Variants in ATP2B4 observed in about 807,000 individuals in gnomAD.
ATP2B4 encodes the protein ATPase plasma membrane Ca2+ transporting 4, also known as plasma membrane calcium-transporting ATPase 4.
ATP2B4 carries 39 observed loss-of-function variants against 110.3 expected under a neutral mutation model. The observed-to-expected ratio is 0.35, with a 90% confidence interval of 0.27 to 0.46. The LOEUF is 0.46. ATP2B4 is among the 20% of genes least tolerant of loss of function. ATP2B4 has a pLI of 1.00. For synonymous variants in ATP2B4, 538 were observed against 571.7 expected, an observed-to-expected ratio of 0.94 and a Z score of 0.84; for missense variants, 1,135 against 1,530.9, an observed-to-expected ratio of 0.74 and a Z score of 4.32.
intron 11 of ATP2B4, among the ~76,000 whole-genome samples, chr1:203,710,262 C>G (rs1665967349): frequency 6.6e-6 from 1 of 151,926 alleles, no homozygotes; most frequent in African/African-American, 2.4e-5. Flanking sequence ...CCCAGCTACT[C>G]AGGAGGCTGA....
chr1:203,674,862 T>C (rs1021579347), intron 1 of ATP2B4, among the ~76,000 whole-genome samples: 1 of 152,028 alleles, frequency 6.6e-6, no homozygotes, highest in African/African-American at 2.4e-5. Context: ...TTCACCATGT[T>C]AGCCAGGATG....
At position 203,727,525 on chromosome 1, in the gene ATP2B4, G is replaced by A. The variant is rs1386030190; in HGVS notation, c.3263G>A (p.Arg1088Gln). 5.0e-6 allele frequency: 8 copies of A among 1,614,172 alleles called. No homozygotes were observed. The highest frequency in any genetic ancestry group is 4.2e-6 in the Non-Finnish European group (5 of 1,179,996). ...GACCATGCTGAGATGGAGCTGCGCC[G>A]AGGCCAGATCCTCTGGTTCCGGGGC... ...EIDHAEMELR[R>Q]GQILWFRGLN... Residue 1088 changes from arginine (R) to glutamine (Q), a missense_variant, in exon 20 of 21, where the codon CGA becomes CAA. Coordinates refer to ENST00000357681, the MANE Select transcript of ATP2B4 (RefSeq NM_001684.5).
chr1:203,739,716 T>C lies in ATP2B4; in HGVS notation c.3480T>C (p.Ser1160=), dbSNP rs1439808433. The part of the protein sequence containing the change: ...EEEEENPDKA[S]KFGTRVLLLD... ...AGGAGGAAAATCCTGACAAGGCTTC[T>C]AAGTTTGGGACTAGGGTGCTCCTGT... Residue 1160 remains serine (S), a synonymous_variant, in exon 21 of 21, where the codon TCT becomes TCC. Coordinates refer to ENST00000357681, the MANE Select transcript of ATP2B4 (RefSeq NM_001684.5). The C allele has an allele frequency of 6.2e-7, 1 of 1,614,218 alleles. No individual in the cohort carries two copies.
chr1:203,699,491 T>A lies in ATP2B4; in HGVS notation c.423T>A (p.Asp141Glu). ...GTCAAGTCGCAACTACCCCAGAAGA[T>A]GAAAATGAGGCACAAGCTGGCTGGA... ...LCGQVATTPE[D>E]ENEAQAGWIE... Residue 141 changes from aspartate to glutamate, a missense_variant, in exon 4 of 21, where the codon GAT (aspartate) becomes GAA (glutamate). Around this residue, in one of 9 missense-constraint regions of ATP2B4, gnomAD observed 101 missense variants for 182.6 expected, o/e 0.55. Transcript: ENST00000357681. 2 of 1,614,180 alleles carry A rather than the reference T, an allele frequency of 1.2e-6. No individual in the cohort carries two copies. Among genetic ancestry groups the A allele is most frequent in the Non-Finnish European group, 1.7e-6 (2 of 1,180,026 alleles).
intron 1 of ATP2B4, among the ~76,000 whole-genome samples, chr1:203,631,459 T>C (rs867075427): frequency 4.6e-5 from 7 of 152,256 alleles, no homozygotes; most frequent in African/African-American, 1.7e-4. Flanking sequence ...GAGCAGTGCG[T>C]TTATTGGTAG....
intron 7 of ATP2B4, among the ~76,000 whole-genome samples, chr1:203,703,088 C>G (rs1665739937): frequency 6.6e-6 from 1 of 151,992 alleles, no homozygotes; most frequent in African/African-American, 2.4e-5. Flanking sequence ...AGGGAATTTT[C>G]TTTTCCTATC....
Position 203,740,160 on chromosome 1 carries a change from A to T in ATP2B4, c.*306A>T. ...ATGACAATCCTCTTGGCATCACCCCACCCCACATTCTCCCCGATGTTCCTC... is the reference window on the plus strand; with the variant it reads ...ATGACAATCCTCTTGGCATCACCCCTCCCCACATTCTCCCCGATGTTCCTC... On this transcript the variant is annotated 3_prime_UTR_variant, in exon 21 of 21. Transcript: ENST00000357681. The T allele has an allele frequency of 6.6e-6, 2 of 303,816 alleles. No homozygotes were observed. The highest frequency in any genetic ancestry group is 1.2e-5 in the Non-Finnish European group (2 of 163,410). 18.8% of individuals were successfully genotyped at this position (303,816 alleles called of 1,614,324 possible).
intron 1 of ATP2B4, among the ~76,000 whole-genome samples, chr1:203,640,232 C>G (rs140934603): frequency 3.2e-4 from 49 of 152,318 alleles, no homozygotes; most frequent in African/African-American, 1.1e-3. Flanking sequence ...GACCCCACTC[C>G]CAAGAACATC....
At chr1:203,678,565 A>G (rs1664900150) in intron 1 of ATP2B4, among the ~76,000 whole-genome samples, 1 of 151,840 alleles carries the variant, frequency 6.6e-6, no homozygotes, top group Non-Finnish European at 1.5e-5. Context: ...CATCATGCCC[A>G]GCTAATTTTT....
chr1:203,665,799 C>CA (rs11371841), intron 1 of ATP2B4, among the ~76,000 whole-genome samples: 9,976 of 132,622 alleles, frequency 0.075, 755 homozygotes, highest in East Asian at 0.18. Context: ...GACTCCATCT[C>CA]AAAAAAAAAA....
chr1:203,722,222 C>T (rs1160372343), intron 17 of ATP2B4, among the ~76,000 whole-genome samples: 1 of 152,106 alleles, frequency 6.6e-6, no homozygotes, highest in East Asian at 1.9e-4. Flanking sequence ...GTAGTCCCAG[C>T]TATTTGGGAG....
intron 19 of ATP2B4, among the ~76,000 whole-genome samples, chr1:203,724,389 T>C (rs946946430): frequency 4.6e-5 from 7 of 151,804 alleles, no homozygotes; most frequent in African/African-American, 1.7e-4. Flanking sequence ...TGGTGGCAGG[T>C]GCCTGTAGTC....
intron 1 of ATP2B4, among the ~76,000 whole-genome samples, chr1:203,677,572 C>G (rs1324204633): frequency 2.0e-5 from 3 of 152,194 alleles, no homozygotes; most frequent in Non-Finnish European, 4.4e-5. Context: ...AAGTGATTCT[C>G]CTGTCTCAGC....
At chr1:203,698,663 T>C (rs1200574802) in intron 3 of ATP2B4, among the ~76,000 whole-genome samples, 2 of 151,734 alleles carry the variant, frequency 1.3e-5, no homozygotes, top group African/African-American at 4.8e-5. Flanking sequence ...ATTATTATTT[T>C]AATGGAATCT....
chr1:203,727,957 T>C (rs575596627), intron 20 of ATP2B4, among the ~76,000 whole-genome samples: 33 of 152,250 alleles, frequency 2.2e-4, no homozygotes, highest in African/African-American at 7.5e-4. Flanking sequence ...TTAGACAATA[T>C]CAATATGCCA....
chr1:203,666,432 A>G (rs1456651565), intron 1 of ATP2B4, among the ~76,000 whole-genome samples: 1 of 152,154 alleles, frequency 6.6e-6, no homozygotes, highest in African/African-American at 2.4e-5. Flanking sequence ...ACCTCCACAC[A>G]TCACTTCTGG....
chr1:203,638,445 A>ACAGCAAG (rs1163399191), intron 1 of ATP2B4, among the ~76,000 whole-genome samples: 2 of 152,228 alleles, frequency 1.3e-5, no homozygotes, highest in African/African-American at 2.4e-5. Flanking sequence ...AAGGACAGGC[A>ACAGCAAG]CAGCAAGCAG....
At chr1:203,734,371 G>T (rs562220514) in intron 20 of ATP2B4, among the ~76,000 whole-genome samples, 3 of 152,114 alleles carry the variant, frequency 2.0e-5, no homozygotes, top group Admixed American at 6.5e-5. Context: ...GTATATGGTT[G>T]AACATCCCCG....
rs761844132 is a variant in ATP2B4 at position 203,707,081 on chromosome 1, G to A, written c.1172G>A (p.Arg391His). The change falls in exon 9 of 21, where the codon CGC becomes CAC. Residue 391 changes from arginine to histidine, a missense_variant. By Grantham distance (29) the Arg-to-His change is conservative. Transcript: ENST00000357681. ...YFVIDNFVIN[R>H]RPWLPECTPI... Reference sequence around the variant, plus strand: ...GTGATTGACAACTTTGTGATAAATCGCAGACCATGGCTCCCTGAGTGTACT... The same window carrying A: ...GTGATTGACAACTTTGTGATAAATCACAGACCATGGCTCCCTGAGTGTACT... 6 of 1,613,880 alleles carry A rather than the reference G, an allele frequency of 3.7e-6. No homozygotes were observed. In the East Asian group the frequency reaches 6.7e-5, roughly 18 times the overall value.
Sources: gnomAD v4.1 joint callset for allele counts (sites outside exome capture counted in the v4.1 genomes callset) on GRCh38, gnomAD v4.1.1 for gene constraint, gnomAD v4.1.1 regional missense constraint, MANE v1.5 for transcripts, NCBI Gene and HGNC (gene_info 2026-07-23, HGNC 2026-07-21) for gene names.